Variants in CADM2 observed in about 807,000 individuals in gnomAD.
CADM2 encodes immunoglobulin superfamily member 4D.
Under a neutral mutation model 49.8 loss-of-function variants are expected in CADM2, and 12 were observed. The ratio of observed to expected loss-of-function variants is 0.24; its 90% CI spans 0.15 to 0.39. The LOEUF is 0.39. CADM2 is among the 10% of genes least tolerant of loss of function. The pLI is 1.00. For missense variants in CADM2, 378 were observed against 492.3 expected (o/e 0.77, Z 2.20); for synonymous variants, 214 against 175.4 (o/e 1.22, Z -1.74).
chr3:85,995,301 T>G (rs889613235), intron 8 of CADM2, among the ~76,000 whole-genome samples: 2 of 152,194 alleles, frequency 1.3e-5, no homozygotes, highest in African/African-American at 4.8e-5. Flanking sequence ...AAAGTCATAT[T>G]GGTATTGATT....
intron 7 of CADM2, among the ~76,000 whole-genome samples, chr3:85,936,735 C>G (rs769866339): frequency 6.6e-6 from 1 of 151,756 alleles, no homozygotes; most frequent in Non-Finnish European, 1.5e-5. Context: ...AAGTTTCATA[C>G]TATCCCATGG....
At chr3:86,031,584 A>G (rs1734564899) in intron 8 of CADM2, among the ~76,000 whole-genome samples, 2 of 151,846 alleles carry the variant, frequency 1.3e-5, no homozygotes, top group Admixed American at 1.3e-4. Context: ...ATAAAACTAC[A>G]TAGGTTTATT....
At chr3:85,089,822 T>C (rs1247303114) in intron 1 of CADM2, among the ~76,000 whole-genome samples, 1 of 152,180 alleles carries the variant, frequency 6.6e-6, no homozygotes, top group African/African-American at 2.4e-5. Context: ...TTTCTATTTG[T>C]ACTATGTTTA....
chr3:85,063,385 A>T (rs1005302298), intron 1 of CADM2, among the ~76,000 whole-genome samples: 9 of 152,024 alleles, frequency 5.9e-5, no homozygotes, highest in Admixed American at 3.3e-4. Flanking sequence ...CAAGAAAACT[A>T]AAGAAAAGCC....
intron 1 of CADM2, among the ~76,000 whole-genome samples, chr3:85,107,621 C>CTT (rs1650376344): frequency 8.4e-5 from 12 of 142,562 alleles, no homozygotes; most frequent in South Asian, 2.3e-4. Context: ...TTCTTTCTTT[C>CTT]TTTCTTTCTT....
intron 3 of CADM2, among the ~76,000 whole-genome samples, chr3:85,833,220 G>A (rs1305939027): frequency 6.6e-6 from 1 of 151,804 alleles, no homozygotes; most frequent in Admixed American, 6.6e-5. Flanking sequence ...TGGTTTGCTA[G>A]TATTTTGGTG....
At chr3:85,377,651 G>C (rs1381915775) in intron 1 of CADM2, among the ~76,000 whole-genome samples, 1 of 152,000 alleles carries the variant, frequency 6.6e-6, no homozygotes, top group Non-Finnish European at 1.5e-5. Context: ...ACAGTTTATT[G>C]CATTAGGGTG....
intron 1 of CADM2, among the ~76,000 whole-genome samples, chr3:85,395,391 TAAATC>T (rs1267548030): frequency 6.6e-5 from 10 of 151,684 alleles, no homozygotes; most frequent in African/African-American, 1.9e-4. Flanking sequence ...ATAAAATACT[TAAATC>T]TAATGTAACA....
chr3:85,003,965 T>G (rs965606293), intron 1 of CADM2, among the ~76,000 whole-genome samples: 1 of 152,252 alleles, frequency 6.6e-6, no homozygotes, highest in East Asian at 1.9e-4. Context: ...ATTATAAAAA[T>G]AGAAGTCTCT....
intron 1 of CADM2, among the ~76,000 whole-genome samples, chr3:85,119,711 A>G (rs1335621341): frequency 1.3e-5 from 2 of 152,154 alleles, no homozygotes; most frequent in Non-Finnish European, 2.9e-5. Flanking sequence ...GAAGAGGTCC[A>G]TCACTTCTCT....
intron 8 of CADM2, among the ~76,000 whole-genome samples, chr3:86,007,036 T>G (rs988266062): frequency 6.6e-6 from 1 of 151,866 alleles, no homozygotes; most frequent in Non-Finnish European, 1.5e-5. Context: ...TGAGACTCCA[T>G]CTCAAAAAAT....
chr3:85,203,699 G>C (rs745417146), intron 1 of CADM2, among the ~76,000 whole-genome samples: 5 of 152,312 alleles, frequency 3.3e-5, no homozygotes, highest in Non-Finnish European at 2.9e-5. Context: ...TGCAGTATCT[G>C]CAAAGCAGAG....
chr3:86,017,728 CAAA>C lies in CADM2; in HGVS notation c.971-47866_971-47864del, dbSNP rs570758624. ...GGGCGACACCAGGAGACCCTGTCTC[CAAA>C]AAAAAAAAAAGAAAGAAAAAGAAGA... is the stretch of plus-strand genomic sequence containing the variant. On this transcript the variant is annotated intron_variant, in intron 8 of 9. Transcript: ENST00000383699. Among the ~76,000 whole-genome samples, 473 of 110,146 alleles carry C rather than the reference CAAA, an allele frequency of 4.3e-3. 1 individual carries two copies. The highest frequency in any genetic ancestry group is 0.015 in the African/African-American group (439 of 29,618). 72.3% of individuals were successfully genotyped at this position (110,146 alleles called of 152,430 possible).
intron 1 of CADM2, among the ~76,000 whole-genome samples, chr3:85,610,560 A>G (rs1052650267): frequency 6.6e-6 from 1 of 151,918 alleles, no homozygotes; most frequent in Admixed American, 6.6e-5. Flanking sequence ...AATGTTGTAT[A>G]TTTATTTGAA....
At chr3:85,758,733 C>T (rs1215458946) in intron 2 of CADM2, among the ~76,000 whole-genome samples, 1 of 152,090 alleles carries the variant, frequency 6.6e-6, no homozygotes, top group South Asian at 2.1e-4. Context: ...CAAGGTGAAT[C>T]TTATTGGCTA....
At chr3:85,559,626 T>G (rs1050312851) in intron 1 of CADM2, among the ~76,000 whole-genome samples, 9 of 151,838 alleles carry the variant, frequency 5.9e-5, no homozygotes, top group African/African-American at 2.2e-4. Flanking sequence ...TAAAAATCTA[T>G]TTTATTGCTT....
At chr3:85,747,834 A>G (rs945262499) in intron 2 of CADM2, among the ~76,000 whole-genome samples, 1 of 152,112 alleles carries the variant, frequency 6.6e-6, no homozygotes, top group Non-Finnish European at 1.5e-5. Context: ...ACTTTTTAAT[A>G]TTACTCATTT....
intron 2 of CADM2, among the ~76,000 whole-genome samples, chr3:85,784,685 G>T (rs911660009): frequency 2.6e-5 from 4 of 151,984 alleles, no homozygotes; most frequent in African/African-American, 9.7e-5. Flanking sequence ...AACTTATTTA[G>T]TTCTAATCCG....
At chr3:85,643,836 G>A (rs1287543748) in intron 1 of CADM2, among the ~76,000 whole-genome samples, 1 of 152,076 alleles carries the variant, frequency 6.6e-6, no homozygotes, top group Non-Finnish European at 1.5e-5. Context: ...AATCATAGAT[G>A]TTAGATGTTT....
Sources: gnomAD v4.1 joint callset for allele counts (sites outside exome capture counted in the v4.1 genomes callset) on GRCh38, gnomAD v4.1.1 for gene constraint, MANE v1.5 for transcripts, NCBI Gene and HGNC (gene_info 2026-07-23, HGNC 2026-07-21) for gene names.